LSAMP: variants seen among roughly 807,000 people sequenced by gnomAD.
The protein encoded by LSAMP is limbic system associated membrane protein.
Under a neutral mutation model 38.6 loss-of-function variants are expected in LSAMP, and 7 were observed. The ratio of observed to expected loss-of-function variants is 0.18; its 90% CI spans 0.10 to 0.34. The LOEUF is 0.34. Ranked by LOEUF, LSAMP falls within the 10% of genes least tolerant of loss-of-function variation. LSAMP has a pLI of 1.00. For synonymous variants in LSAMP, 154 were observed against 166.8 expected (o/e 0.92, Z 0.59); for missense variants, 313 against 420.0 (o/e 0.75, Z 2.23).
intron 1 of LSAMP, among the ~76,000 whole-genome samples, chr3:116,129,002 T>C (rs897857638): frequency 6.6e-6 from 1 of 152,152 alleles, no homozygotes; most frequent in Non-Finnish European, 1.5e-5. Context: ...TTGAAAAATA[T>C]AAAATCACAA....
Position 116,164,416 on chromosome 3 carries a change from G to T in LSAMP, c.156-77860C>A, listed in dbSNP as rs371918370. Reference sequence around the variant, plus strand: ...AAAAGCAGAGGTTTCTATTAGGTTGGTGCAAACATAATTGCGGTTTTTGCC... The same window carrying T: ...AAAAGCAGAGGTTTCTATTAGGTTGTTGCAAACATAATTGCGGTTTTTGCC... On this transcript the variant is annotated intron_variant, in intron 1 of 6. Transcript: ENST00000490035. Among the ~76,000 whole-genome samples the T allele has an allele frequency of 2.4e-4, 36 of 150,428 alleles. 1 individual carries two copies. The highest frequency in any genetic ancestry group is 1.5e-5 in the Non-Finnish European group (1 of 67,632).
intron 1 of LSAMP, among the ~76,000 whole-genome samples, chr3:116,191,307 T>A (rs1032263320): frequency 9.2e-5 from 14 of 152,038 alleles, no homozygotes; most frequent in African/African-American, 1.5e-4. Flanking sequence ...GGGGTGAGGG[T>A]CAGGAATCTG....
At chr3:115,847,622 G>A (rs377217713) in intron 4 of LSAMP, among the ~76,000 whole-genome samples, 155 of 152,280 alleles carry the variant, frequency 1.0e-3, no homozygotes, top group African/African-American at 3.4e-3. Flanking sequence ...TGCTGTTCTC[G>A]TGATAGTGAA....
intron 4 of LSAMP, among the ~76,000 whole-genome samples, chr3:115,845,521 A>G (rs1935130454): frequency 6.6e-6 from 1 of 152,134 alleles, no homozygotes; most frequent in Non-Finnish European, 1.5e-5. Context: ...TTTGGCTCAT[A>G]TCTTTCCTTT....
At chr3:116,083,185 T>G (rs1707909746) in intron 2 of LSAMP, among the ~76,000 whole-genome samples, 1 of 152,086 alleles carries the variant, frequency 6.6e-6, no homozygotes, top group South Asian at 2.1e-4. Context: ...GTCTGTTAGA[T>G]TCTGGGTAGC....
intron 2 of LSAMP, among the ~76,000 whole-genome samples, chr3:116,039,994 T>TGG (rs1553762284): frequency 6.6e-6 from 1 of 151,290 alleles, no homozygotes; most frequent in African/African-American, 2.4e-5. Context: ...TGCCTCTCTT[T>TGG]GGGGGGGGAA....
chr3:116,273,427 A>AATC (rs1358945352), intron 1 of LSAMP, among the ~76,000 whole-genome samples: 1 of 151,800 alleles, frequency 6.6e-6, no homozygotes, highest in Admixed American at 6.6e-5. Flanking sequence ...ATTACACATC[A>AATC]ATCAATTCAA....
chr3:116,089,389 G>A (rs190276090), intron 1 of LSAMP, among the ~76,000 whole-genome samples: 2 of 151,890 alleles, frequency 1.3e-5, no homozygotes, highest in African/African-American at 2.4e-5. Context: ...ATGGAGTCTC[G>A]CTCCGTCGCC....
chr3:116,380,451 T>G (rs1330930509), intron 1 of LSAMP, among the ~76,000 whole-genome samples: 1 of 152,032 alleles, frequency 6.6e-6, no homozygotes, highest in Non-Finnish European at 1.5e-5. Context: ...TTATTTTTGT[T>G]GTTAATTTGA....
At chr3:116,063,276 TC>T (rs937522766) in intron 2 of LSAMP, among the ~76,000 whole-genome samples, 1 of 152,210 alleles carries the variant, frequency 6.6e-6, no homozygotes, top group African/African-American at 2.4e-5. Flanking sequence ...TAGAACTCCT[TC>T]TGAATTACAC....
At chr3:115,938,974 T>C (rs190750953) in intron 3 of LSAMP, among the ~76,000 whole-genome samples, 115 of 152,330 alleles carry the variant, frequency 7.5e-4, no homozygotes, top group Admixed American at 6.9e-3. Context: ...AAGGACTTGA[T>C]AGTTTTTATT....
intron 3 of LSAMP, among the ~76,000 whole-genome samples, chr3:116,013,135 G>A (rs1940380522): frequency 1.3e-5 from 2 of 152,332 alleles, no homozygotes; most frequent in African/African-American, 4.8e-5. Context: ...CAGGCAGAGT[G>A]CTCTGGGAAT....
At chr3:116,283,955 G>A (rs139416455) in intron 1 of LSAMP, among the ~76,000 whole-genome samples, 1,905 of 152,150 alleles carry the variant, frequency 0.013, 35 homozygotes, top group African/African-American at 0.042. Context: ...GCAGTGAGCC[G>A]AGGTTGCGCC....
At chr3:116,170,527 T>C (rs1710170936) in intron 1 of LSAMP, among the ~76,000 whole-genome samples, 1 of 152,120 alleles carries the variant, frequency 6.6e-6, no homozygotes, top group Non-Finnish European at 1.5e-5. Context: ...TTGTGGAGAG[T>C]GTTTAAGAAC....
intron 3 of LSAMP, among the ~76,000 whole-genome samples, chr3:115,931,426 T>C (rs751777634): frequency 6.6e-6 from 1 of 152,144 alleles, no homozygotes; most frequent in Non-Finnish European, 1.5e-5. Flanking sequence ...TCTAATGAGA[T>C]TGTTCCACAA....
intron 2 of LSAMP, among the ~76,000 whole-genome samples, chr3:116,074,844 C>CT (rs1161460100): frequency 0.039 from 4,968 of 128,364 alleles, 171 homozygotes; most frequent in Non-Finnish European, 0.055. Flanking sequence ...TTTCTTTATT[C>CT]TTTTTTTTTT....
chr3:115,943,441 C>T (rs1477403136), intron 3 of LSAMP, among the ~76,000 whole-genome samples: 1 of 152,162 alleles, frequency 6.6e-6, no homozygotes, highest in Non-Finnish European at 1.5e-5. Flanking sequence ...AGGTGACCAC[C>T]CTCAATTAGA....
chr3:116,065,111 A>G (rs973042646), intron 2 of LSAMP, among the ~76,000 whole-genome samples: 1 of 152,240 alleles, frequency 6.6e-6, no homozygotes, highest in African/African-American at 2.4e-5. Flanking sequence ...AGAAGACAAC[A>G]TATCCCAAAA....
At chr3:116,421,676 G>T (rs1388173367) in intron 1 of LSAMP, among the ~76,000 whole-genome samples, 1 of 151,982 alleles carries the variant, frequency 6.6e-6, no homozygotes, top group African/African-American at 2.4e-5. Flanking sequence ...ATAAGTACAA[G>T]AAAAAATGCA....
Sources: gnomAD v4.1 joint callset for allele counts (sites outside exome capture counted in the v4.1 genomes callset) on GRCh38, gnomAD v4.1.1 for gene constraint, MANE v1.5 for transcripts, NCBI Gene and HGNC (gene_info 2026-07-23, HGNC 2026-07-21) for gene names.